The following XYLB variants were observed in gnomAD, a reference collection of about 807,000 sequenced individuals.
XYLB encodes the protein xylulose kinase.
In XYLB, 62 loss-of-function variants were observed where a neutral mutation model predicts 78.7. The ratio of observed to expected loss-of-function variants is 0.79; its 90% CI spans 0.64 to 0.97. XYLB has a LOEUF of 0.97. Among genes scored for constraint, XYLB ranks in the 50% least tolerant of loss-of-function variants. XYLB has a pLI of 0.00. For synonymous variants in XYLB, 245 were observed against 247.4 expected (o/e 0.99, Z 0.09); for missense variants, 687 against 676.8 (o/e 1.02, Z -0.17).
chr3:38,394,172 T>A (rs1371485677), intron 15 of XYLB, among the ~76,000 whole-genome samples: 7 of 152,224 alleles, frequency 4.6e-5, no homozygotes, highest in Non-Finnish European at 8.8e-5. Context: ...GAATATCTTT[T>A]AATTTATTTA....
intron 18 of XYLB, among the ~76,000 whole-genome samples, chr3:38,410,249 TC>T (rs1439539045): frequency 6.6e-6 from 1 of 152,206 alleles, no homozygotes; most frequent in African/African-American, 2.4e-5. Flanking sequence ...AACTATCTGA[TC>T]TTTGACAAAC....
chr3:38,432,714 T>C, the XYLB span, among the ~76,000 whole-genome samples: 1 of 152,388 alleles, frequency 6.6e-6, no homozygotes, highest in South Asian at 2.1e-4. Flanking sequence ...CTTAAAGCTC[T>C]GAAATAATCT....
At chr3:38,418,394 C>T (rs754127839), downstream of XYLB, among the ~76,000 whole-genome samples, 1 of 151,918 alleles carries the variant, frequency 6.6e-6, no homozygotes, top group Non-Finnish European at 1.5e-5. Context: ...TGTGAAACTC[C>T]TAAAGGGGGA....
intron 3 of XYLB, among the ~76,000 whole-genome samples, chr3:38,361,036 A>AAAACAAAAG (rs1705940140): frequency 6.6e-6 from 1 of 151,596 alleles, no homozygotes; most frequent in Non-Finnish European, 1.5e-5. Flanking sequence ...ACTCCATCTC[A>AAAACAAAAG]AAAAAAAAGA....
chr3:38,368,345 T>TAGGTG, intron 8 of XYLB, 88 bp downstream of exon 8: 1 of 1,187,450 alleles, frequency 8.4e-7, no homozygotes, highest in Non-Finnish European at 1.3e-6. Context: ...CTACCCCGAG[T>TAGGTG]GGGTGCCAAT....
chr3:38,419,603 T>TATATATATAA (rs71085322), downstream of XYLB, among the ~76,000 whole-genome samples: 128 of 80,872 alleles, frequency 1.6e-3, 19 homozygotes, highest in East Asian at 4.5e-3. Flanking sequence ...TATATATATA[T>TATATATATAA]AATAGCCATC....
intron 17 of XYLB, among the ~76,000 whole-genome samples, chr3:38,397,793 C>T (rs1707939104): frequency 6.6e-6 from 1 of 151,420 alleles, no homozygotes; most frequent in Non-Finnish European, 1.5e-5. Flanking sequence ...TAACATTTAA[C>T]ATACCTATTT....
chr3:38,348,477 G>T, intron 1 of XYLB, 73 bp from the exon 2 acceptor site: 1 of 1,451,724 alleles, frequency 6.9e-7, no homozygotes, highest in South Asian at 1.2e-5. Flanking sequence ...CTCATCTGGT[G>T]ACGTTAGTAC....
At chr3:38,435,078 G>A in the XYLB span, among the ~76,000 whole-genome samples, 4 of 151,752 alleles carry the variant, frequency 2.6e-5, no homozygotes, top group Non-Finnish European at 5.9e-5. Flanking sequence ...AGAGATTGCA[G>A]TGAGCCGAGA....
chr3:38,403,386 G>T (rs1708193215), intron 18 of XYLB, among the ~76,000 whole-genome samples: 1 of 152,010 alleles, frequency 6.6e-6, no homozygotes, highest in Non-Finnish European at 1.5e-5. Context: ...TTATAGTTCT[G>T]GGCATGCTTC....
At chr3:38,431,150 T>G in the XYLB span, among the ~76,000 whole-genome samples, 2 of 152,216 alleles carry the variant, frequency 1.3e-5, no homozygotes, top group African/African-American at 4.8e-5. Flanking sequence ...TTGGGCAGTA[T>G]GGCCATTTTC....
Position 38,413,320 on chromosome 3 carries a change from G to A in XYLB, c.*307G>A, listed in dbSNP as rs145250014. On this transcript the variant is annotated 3_prime_UTR_variant, in exon 19 of 19. Transcript: ENST00000207870. ...AATAAAAACTATGACTTTTCCCCTTGCAGAGGCAGAATTAAAGCTAATCTA... is the reference window on the plus strand; with the variant it reads ...AATAAAAACTATGACTTTTCCCCTTACAGAGGCAGAATTAAAGCTAATCTA... The A allele has an allele frequency of 5.3e-3, 1,538 of 287,770 alleles. 16 individuals carry two copies. The highest frequency in any genetic ancestry group is 6.0e-3 in the Middle Eastern group (6 of 996). The allele number at this position is 287,770 out of a possible 1,614,324, so 17.8% of individuals were successfully genotyped here.
intron 7 of XYLB, 135 bp from the exon 8 acceptor site, chr3:38,368,050 C>G: frequency 1.3e-6 from 1 of 766,842 alleles, no homozygotes; most frequent in Non-Finnish European, 2.3e-6. Flanking sequence ...ACAGTCTCCA[C>G]CATTACTTGG....
At chr3:38,382,119 A>G (rs1575500884) in intron 15 of XYLB, among the ~76,000 whole-genome samples, 1 of 152,188 alleles carries the variant, frequency 6.6e-6, no homozygotes, top group South Asian at 2.1e-4. Context: ...CTTAGGAAAA[A>G]TGGAAAAGAA....
chr3:38,447,349 G>C, the XYLB span, among the ~76,000 whole-genome samples: 1 of 152,112 alleles, frequency 6.6e-6, no homozygotes, highest in African/African-American at 2.4e-5. Flanking sequence ...TGTTGCCCAG[G>C]TTGGAGTGCA....
chr3:38,393,013 A>G (rs1707731565), intron 15 of XYLB, among the ~76,000 whole-genome samples: 1 of 151,996 alleles, frequency 6.6e-6, no homozygotes, highest in Admixed American at 6.6e-5. Context: ...ATCCAATTTG[A>G]TTTTTTCCAC....
rs1708711786 is a variant in XYLB, at chr3:38,414,182, A to G, written c.*1169A>G. 6.6e-6 allele frequency: 1 copy of G among 152,262 alleles called. No homozygotes were observed. The highest frequency in any genetic ancestry group is 2.4e-5 in the African/African-American group (1 of 41,468). The allele number at this position is 152,262 out of a possible 1,614,324, so 9.4% of individuals were successfully genotyped here. On this transcript the variant is annotated 3_prime_UTR_variant, in exon 19 of 19. Coordinates refer to ENST00000207870, the MANE Select transcript of XYLB (RefSeq NM_005108.4). Reference sequence around the variant, plus strand: ...ACGCATGTTCTCACCCAGAGTGACAAAATCCTGCAGATAGGTTTAAGACCT... The same window carrying G: ...ACGCATGTTCTCACCCAGAGTGACAGAATCCTGCAGATAGGTTTAAGACCT...
intron 18 of XYLB, among the ~76,000 whole-genome samples, chr3:38,402,165 C>A (rs759667725): frequency 2.6e-5 from 4 of 152,072 alleles, no homozygotes; most frequent in Non-Finnish European, 4.4e-5. Flanking sequence ...CTAAATGATC[C>A]CGAGCATAGA....
chr3:38,355,952 T>C, intron 2 of XYLB: 1 of 598,834 alleles, frequency 1.7e-6, no homozygotes, highest in Non-Finnish European at 3.0e-6. Flanking sequence ...ATATCCTTTT[T>C]TTAAAGAAAA....
Sources: gnomAD v4.1 joint callset for allele counts (sites outside exome capture counted in the v4.1 genomes callset) on GRCh38, gnomAD v4.1.1 for gene constraint, MANE v1.5 for transcripts, NCBI Gene and HGNC (gene_info 2026-07-23, HGNC 2026-07-21) for gene names.